Variants in WDFY3 observed in about 807,000 individuals in gnomAD.
WDFY3 encodes the protein WD repeat and FYVE domain containing 3, also known as WD repeat and FYVE domain-containing protein 3.
In WDFY3, 66 loss-of-function variants were observed where a neutral mutation model predicts 409.6. The ratio of observed to expected loss-of-function variants is 0.16; its 90% confidence interval spans 0.13 to 0.20. The LOEUF (loss-of-function observed/expected upper bound fraction) is 0.20. Ranked by LOEUF, WDFY3 falls within the 10% of genes least tolerant of loss-of-function variation. The pLI is 1.00. For synonymous variants in WDFY3, 1,521 were observed against 1,537.1 expected, an observed-to-expected ratio of 0.99 and a Z score of 0.25; for missense variants, 3,031 against 4,298.1, an observed-to-expected ratio of 0.71 and a Z score of 8.24.
intron 5 of WDFY3, among the ~76,000 whole-genome samples, chr4:84,843,887 A>C (rs1473213694): frequency 6.6e-6 from 1 of 152,212 alleles, no homozygotes; most frequent in African/African-American, 2.4e-5. Flanking sequence ...TGGGTCTTTT[A>C]ATTTCAATAA....
chr4:84,821,615 T>C (rs542984212), intron 10 of WDFY3, 64 bp from the exon 11 acceptor site: 2 of 1,357,356 alleles, frequency 1.5e-6, no homozygotes, highest in Non-Finnish European at 2.0e-6. Flanking sequence ...GGCAAACTAG[T>C]CTGTTTAAAC....
At chr4:84,824,613 A>G (rs932621790) in intron 10 of WDFY3, among the ~76,000 whole-genome samples, 20 of 152,322 alleles carry the variant, frequency 1.3e-4, no homozygotes, top group African/African-American at 4.8e-4. Context: ...ACTGACTGCA[A>G]GGAGAACAAG....
chr4:84,705,957 C>T (rs964533259), intron 53 of WDFY3, among the ~76,000 whole-genome samples: 2 of 139,654 alleles, frequency 1.4e-5, no homozygotes, highest in Admixed American at 7.2e-5. Context: ...CTCCCTCCAA[C>T]GTTACTTCTG....
At chr4:84,859,892 TAAA>T (rs1435547271) in intron 4 of WDFY3, among the ~76,000 whole-genome samples, 1 of 152,160 alleles carries the variant, frequency 6.6e-6, no homozygotes, top group Non-Finnish European at 1.5e-5. Context: ...ATTGTTATTT[TAAA>T]AATACCCAAC....
intron 7 of WDFY3, 118 bp downstream of exon 7, chr4:84,836,811 A>T (rs1378710078): frequency 1.1e-6 from 1 of 873,620 alleles, no homozygotes; most frequent in Non-Finnish European, 1.6e-6. Flanking sequence ...ATAAAGTCAT[A>T]CTATCATAAA....
chr4:84,933,362 A>G (rs1277434275), intron 1 of WDFY3, among the ~76,000 whole-genome samples: 3 of 152,144 alleles, frequency 2.0e-5, no homozygotes, highest in Non-Finnish European at 4.4e-5. Flanking sequence ...AAACCCAGCT[A>G]GAAGTAGGAG....
At chr4:84,781,669 C>T (rs1746544747) in intron 25 of WDFY3, among the ~76,000 whole-genome samples, 1 of 152,118 alleles carries the variant, frequency 6.6e-6, no homozygotes, top group Non-Finnish European at 1.5e-5. Context: ...AACTGTATGG[C>T]ATAATATCAC....
rs369614346 is a variant in WDFY3, at chr4:84,821,441, T to G, written c.1234A>C (p.Met412Leu). ...ATGAAGTAATTGGCATTGTCAGCCATGTAAATATTTGTGATAGCATCAAGG... is the reference window on the plus strand; with the variant it reads ...ATGAAGTAATTGGCATTGTCAGCCAGGTAAATATTTGTGATAGCATCAAGG... Reference protein sequence around the residue: ...IILDAITNIYMADNANYFILE... With the variant: ...IILDAITNIYLADNANYFILE... The change falls in exon 11 of 68, where the codon ATG becomes CTG. Residue 412 changes from methionine (M) to leucine (L), a missense_variant. Met to Leu is a conservative substitution (Grantham distance 15). Transcript: ENST00000295888. 18 of 1,613,800 alleles carry G rather than the reference T, an allele frequency of 1.1e-5. No homozygotes were observed. The highest frequency in any genetic ancestry group is 1.4e-5 in the Non-Finnish European group (17 of 1,179,878).
intron 5 of WDFY3, among the ~76,000 whole-genome samples, chr4:84,847,735 C>G (rs1330751005): frequency 7.5e-6 from 1 of 133,718 alleles, no homozygotes; most frequent in Non-Finnish European, 1.5e-5. Context: ...GATCGCGCCA[C>G]TGCACTCCAG....
intron 13 of WDFY3, among the ~76,000 whole-genome samples, chr4:84,815,748 T>C (rs1311166098): frequency 2.0e-5 from 3 of 152,126 alleles, no homozygotes; most frequent in African/African-American, 7.2e-5. Flanking sequence ...TGTATGCTAT[T>C]CATCTGTCCA....
At chr4:84,698,089 G>C (rs1175469092) in intron 56 of WDFY3, among the ~76,000 whole-genome samples, 1 of 151,954 alleles carries the variant, frequency 6.6e-6, no homozygotes, top group African/African-American at 2.4e-5. Flanking sequence ...TGCCCACTAG[G>C]TCTAATTTTT....
At position 84,741,878 on chromosome 4, in the gene WDFY3, C is replaced by A. The variant is rs113641592; in HGVS notation, c.6117G>T (p.Gln2039His). 2 of 1,610,474 alleles carry A rather than the reference C, an allele frequency of 1.2e-6. No homozygotes were observed. The highest frequency in any genetic ancestry group is 1.7e-6 in the Non-Finnish European group (2 of 1,177,396). The change falls in exon 38 of 68, where the codon CAG becomes CAT. Residue 2039 changes from glutamine to histidine, a missense_variant. This residue lies in a region of WDFY3 where 314 missense variants were observed against 397.4 expected (regional missense o/e 0.79). Coordinates refer to ENST00000295888, the MANE Select transcript of WDFY3 (RefSeq NM_014991.6). ...SLPITSGGSY[Q>H]VLVNNVFYFT... is the part of the protein sequence containing the mutation. ...AATAAAACACATTGTTCACCAATAC[C>A]TGGTAGCTTCCTCCACTGGTAATAG...
chr4:84,786,555 C>T (rs533792914), intron 23 of WDFY3, among the ~76,000 whole-genome samples: 23 of 152,302 alleles, frequency 1.5e-4, no homozygotes, highest in African/African-American at 5.1e-4. Flanking sequence ...TCTTTGAGAC[C>T]ACAAAGCAGA....
At position 84,817,432 on chromosome 4, in the gene WDFY3, G is replaced by A. The variant is rs764193448; in HGVS notation, c.1847C>T (p.Ala616Val). Residue 616 changes from alanine to valine, a missense_variant, in exon 13 of 68, where the codon GCC (alanine) becomes GTC (valine). Around this residue, in one of 16 missense-constraint regions of WDFY3, gnomAD observed 1,322 missense variants for 1,697.9 expected, o/e 0.78. Transcript: ENST00000295888. ...CTTCAACTGCAATTCCGTCGGTGGG[G>A]CTGAATGCATTAGCCCCAGGAGAGT... ...MGTLLGLMHSAPPTELQLKTD... is the reference protein window; with the variant it reads ...MGTLLGLMHSVPPTELQLKTD... 11 of 1,613,590 alleles carry A rather than the reference G, an allele frequency of 6.8e-6. No individual in the cohort carries two copies. The African/African-American group carries it at 1.5e-4, about 22-fold the overall frequency.
At position 84,696,122 on chromosome 4, in the gene WDFY3, A is replaced by C; in HGVS notation, c.8749T>G (p.Tyr2917Asp). 1 of 1,614,142 alleles carries C rather than the reference A, an allele frequency of 6.2e-7. No individual in the cohort carries two copies. Among genetic ancestry groups the C allele is most frequent in the Non-Finnish European group, 8.5e-7 (1 of 1,180,028 alleles). Reference protein sequence around the residue: ...LHEWIDLIFGYKQQGPAAVEA... With the variant: ...LHEWIDLIFGDKQQGPAAVEA... Reference sequence around the variant, plus strand: ...ACTGCAGCAGGGCCTTGCTGTTTATAACCGAAGATTAAGTCAATCCACTCA... The same window carrying C: ...ACTGCAGCAGGGCCTTGCTGTTTATCACCGAAGATTAAGTCAATCCACTCA... The change falls in exon 58 of 68, where the codon TAT becomes GAT. Residue 2917 changes from tyrosine to aspartate, a missense_variant. Tyr to Asp is a radical substitution (Grantham distance 160). Transcript: ENST00000295888.
At position 84,684,062 on chromosome 4, in the gene WDFY3, C is replaced by G. The variant is rs75223180; in HGVS notation, c.9607G>C (p.Val3203Leu). 6.2e-7 allele frequency: 1 copy of G among 1,613,084 alleles called. No individual in the cohort carries two copies. Residue 3203 changes from valine to leucine, a missense_variant, in exon 63 of 68, where the codon GTG becomes CTG. Around this residue, in one of 16 missense-constraint regions of WDFY3, gnomAD observed 378 missense variants for 477.3 expected, o/e 0.79. Transcript: ENST00000295888. ...CTACCTGTGAACGTGTTGACACTCA[C>G]GATAGGGTTCCCATTGATGCTCCAC... ...HVWSINGNPI[V>L]SVNTFTGRSQ...
chr4:84,728,617 C>T (rs946519055), intron 44 of WDFY3, among the ~76,000 whole-genome samples: 8 of 152,080 alleles, frequency 5.3e-5, no homozygotes, highest in African/African-American at 1.9e-4. Context: ...AATGTCACAC[C>T]TAACTGTGAC....
At chr4:84,951,308 T>C (rs962222533) in intron 1 of WDFY3, among the ~76,000 whole-genome samples, 7 of 152,242 alleles carry the variant, frequency 4.6e-5, no homozygotes, top group Non-Finnish European at 1.0e-4. Context: ...TACAAAAATC[T>C]TCAAAACTGC....
chr4:84,732,656 T>C (rs921535102), intron 44 of WDFY3, among the ~76,000 whole-genome samples: 3 of 152,222 alleles, frequency 2.0e-5, no homozygotes, highest in Admixed American at 6.5e-5. Flanking sequence ...GTTTATTTCA[T>C]GTAACATAAT....
Sources: gnomAD v4.1 joint callset for allele counts (sites outside exome capture counted in the v4.1 genomes callset) on GRCh38, gnomAD v4.1.1 for gene constraint, gnomAD v4.1.1 regional missense constraint, MANE v1.5 for transcripts, NCBI Gene and HGNC (gene_info 2026-07-23, HGNC 2026-07-21) for gene names.